The following CDON variants were observed in gnomAD, a reference collection of about 807,000 sequenced individuals.
CDON encodes cell adhesion associated, oncogene regulated.
In CDON, 73 loss-of-function variants were observed where a neutral mutation model predicts 120.9. The observed-to-expected ratio is 0.60, with a 90% CI of 0.50 to 0.73. The LOEUF (loss-of-function observed/expected upper bound fraction) is 0.73, where lower values mean the gene tolerates loss of function less well. Among genes scored for constraint, CDON ranks in the 30% least tolerant of loss-of-function variants. CDON has a pLI of 0.00. For synonymous variants in CDON, 566 were observed against 573.5 expected (o/e 0.99, Z 0.19); for missense variants, 1,470 against 1,587.3 (o/e 0.93, Z 1.26).
chr11:126,042,059 T>C (rs1334138890), intron 1 of CDON, among the ~76,000 whole-genome samples: 1 of 152,104 alleles, frequency 6.6e-6, no homozygotes, highest in Non-Finnish European at 1.5e-5. Context: ...TAATTTTGTA[T>C]TTTTAGTAGA....
chr11:125,997,152 T>C (rs1303864119), intron 12 of CDON, 55 bp downstream of exon 12: 9 of 1,296,120 alleles, frequency 6.9e-6, no homozygotes, highest in African/African-American at 1.5e-5. Flanking sequence ...AATATATAAA[T>C]ATATGGATCT....
chr11:125,969,811 AAAT>A, intron 18 of CDON, among the ~76,000 whole-genome samples: 1 of 152,264 alleles, frequency 6.6e-6, no homozygotes, highest in East Asian at 1.9e-4. Flanking sequence ...GTATCACAAA[AAAT>A]AATAAAATAT....
intron 16 of CDON, 34 bp from the exon 17 acceptor site, chr11:125,981,363 C>T (rs1565501168): frequency 1.5e-6 from 2 of 1,361,842 alleles, no homozygotes; most frequent in East Asian, 4.5e-5. Flanking sequence ...CACACACGCA[C>T]ACACACACAC....
intron 1 of CDON, among the ~76,000 whole-genome samples, chr11:126,042,266 T>C (rs950289065): frequency 6.6e-6 from 1 of 152,216 alleles, no homozygotes; most frequent in Non-Finnish European, 1.5e-5. Context: ...AGTACTTAAA[T>C]CAGAGCTGCC....
chr11:126,015,766 G>T (rs567625167), intron 6 of CDON, among the ~76,000 whole-genome samples: 1 of 152,200 alleles, frequency 6.6e-6, no homozygotes, highest in African/African-American at 2.4e-5. Context: ...CACAACATAC[G>T]CGAATACACA....
At chr11:126,020,204 A>G (rs1947594017) in intron 3 of CDON, among the ~76,000 whole-genome samples, 1 of 152,226 alleles carries the variant, frequency 6.6e-6, no homozygotes, top group South Asian at 2.1e-4. Flanking sequence ...ACCATAAAGC[A>G]TAATTATTCC....
Position 125,989,687 on chromosome 11 carries a change from T to C in CDON, c.2723A>G (p.Asn908Ser), listed in dbSNP as rs764389726. The C allele has an allele frequency of 5.0e-6, 8 of 1,613,290 alleles. No individual in the cohort carries two copies. Among genetic ancestry groups the C allele is most frequent in the South Asian group, 2.2e-5 (2 of 91,060 alleles). ...TSYDIKMQCF[N>S]EGGESEFSNV... ...GCTAAATTCACTTTCTCCTCCTTCA[T>C]TGAAGCATTGCATTTTAATGTCATA... Residue 908 changes from asparagine (N) to serine (S), a missense_variant, in exon 15 of 20, where the codon AAT (asparagine) becomes AGT (serine). Coordinates refer to ENST00000531738, the MANE Select transcript of CDON (RefSeq NM_001378964.1).
At chr11:126,037,767 A>G (rs1948140365) in intron 1 of CDON, among the ~76,000 whole-genome samples, 1 of 152,174 alleles carries the variant, frequency 6.6e-6, no homozygotes, top group Non-Finnish European at 1.5e-5. Context: ...TCCTTTTCCC[A>G]GAGTATGATA....
At position 125,973,947 on chromosome 11, in the gene CDON, G is replaced by A. The variant is rs372209796; in HGVS notation, c.3356+4357C>T. ...TTTCGCTCTTGTTGCCCAGCCTGGA[G>A]TGCAGTGGCGTGATCTTGGCTCATT... On this transcript the variant is annotated intron_variant, in intron 18 of 19. Coordinates refer to ENST00000531738, the MANE Select transcript of CDON (RefSeq NM_001378964.1). 2.4e-4 allele frequency among the ~76,000 whole-genome samples: 36 copies of A among 151,904 alleles called. No individual in the cohort carries two copies. The East Asian group carries it at 6.8e-3, about 29-fold the overall frequency.
intron 1 of CDON, among the ~76,000 whole-genome samples, chr11:126,028,456 C>T (rs1394364234): frequency 2.0e-5 from 3 of 152,070 alleles, no homozygotes; most frequent in African/African-American, 7.2e-5. Flanking sequence ...CTCCGCCTCC[C>T]AGGTTCAAGC....
intron 15 of CDON, among the ~76,000 whole-genome samples, chr11:125,988,669 G>C (rs2134486152): frequency 6.6e-6 from 1 of 152,308 alleles, no homozygotes; most frequent in East Asian, 1.9e-4. Context: ...GAGTGGTTTT[G>C]CTCGTAAACA....
rs1945566119 is a variant in CDON, at chr11:125,958,969, A to G, written c.*1973T>C. On this transcript the variant is annotated 3_prime_UTR_variant, in exon 20 of 20. Coordinates refer to ENST00000531738, the MANE Select transcript of CDON (RefSeq NM_001378964.1). Reference sequence around the variant, plus strand: ...GACTTTGTCCTTTGCTAGTCACAGAAGTAAGGGATGCAGCTATCCCCCTCC... The same window carrying G: ...GACTTTGTCCTTTGCTAGTCACAGAGGTAAGGGATGCAGCTATCCCCCTCC... 6.6e-6 allele frequency: 1 copy of G among 152,218 alleles called. No homozygotes were observed. The highest frequency in any genetic ancestry group is 1.5e-5 in the Non-Finnish European group (1 of 68,048). 9.4% of individuals were successfully genotyped at this position (152,218 alleles called of 1,614,324 possible). A position where few individuals can be genotyped will look rare whatever the true frequency, so the allele number is the denominator to read the frequency against.
rs775252699 is a variant in CDON at position 126,023,508 on chromosome 11, C to T, written c.-32G>A. 11 of 1,486,542 alleles carry T rather than the reference C, an allele frequency of 7.4e-6. No individual in the cohort carries two copies. Among genetic ancestry groups the T allele is most frequent in the Non-Finnish European group, 1.0e-5 (11 of 1,063,780 alleles). 92.1% of individuals were successfully genotyped at this position (1,486,542 alleles called of 1,614,324 possible). Reference sequence around the variant, plus strand: ...AGATTACAGAAGCAATCAGGACAGGCTTCCAGAGCAAAACCCAGTCCTTGG... The same window carrying T: ...AGATTACAGAAGCAATCAGGACAGGTTTCCAGAGCAAAACCCAGTCCTTGG... On this transcript the variant is annotated 5_prime_UTR_variant, in exon 2 of 20. Transcript: ENST00000531738.
At chr11:125,967,023 T>TA (rs1945820560) in intron 18 of CDON, among the ~76,000 whole-genome samples, 4 of 140,988 alleles carry the variant, frequency 2.8e-5, no homozygotes, top group African/African-American at 1.1e-4. Context: ...AGCAACAGAT[T>TA]TAAAAAAAAA....
intron 1 of CDON, among the ~76,000 whole-genome samples, chr11:126,024,868 T>C (rs1325920832): frequency 1.3e-5 from 2 of 152,190 alleles, no homozygotes; most frequent in Non-Finnish European, 2.9e-5. Flanking sequence ...GCAGAGGTAG[T>C]GAATGAAACA....
At chr11:125,973,185 C>T (rs1946054740) in intron 18 of CDON, among the ~76,000 whole-genome samples, 1 of 152,044 alleles carries the variant, frequency 6.6e-6, no homozygotes, top group East Asian at 1.9e-4. Flanking sequence ...CTCCAGGTAT[C>T]CTCTCCTGCC....
chr11:126,026,454 T>C (rs1947795171), intron 1 of CDON, among the ~76,000 whole-genome samples: 1 of 152,222 alleles, frequency 6.6e-6, no homozygotes. Context: ...TTTTCATTCA[T>C]GCAAAGAAAG....
At chr11:126,000,845 G>C (rs1946923564) in intron 11 of CDON, among the ~76,000 whole-genome samples, 1 of 152,122 alleles carries the variant, frequency 6.6e-6, no homozygotes, top group South Asian at 2.1e-4. Flanking sequence ...AAAATTCTCA[G>C]AGCTTAGCAA....
intron 9 of CDON, chr11:126,004,304 G>A: frequency 1.8e-6 from 1 of 553,178 alleles, no homozygotes; most frequent in Admixed American, 2.9e-5. Context: ...CTCTGCATCT[G>A]ACCACTAATG....
Sources: allele counts gnomAD v4.1 joint callset (sites outside exome capture counted in the v4.1 genomes callset), GRCh38; gene constraint gnomAD v4.1.1; transcripts MANE v1.5; gene names NCBI Gene and HGNC (gene_info 2026-07-23, HGNC 2026-07-21).